The following PHEX variants were observed in gnomAD, a reference collection of about 807,000 sequenced individuals.
PHEX encodes the protein phosphate regulating endopeptidase X-linked, also known as phosphate-regulating neutral endopeptidase PHEX.
PHEX carries 16 observed loss-of-function variants against 68.0 expected under a neutral mutation model. The ratio of observed to expected loss-of-function variants is 0.24; its 90% CI spans 0.16 to 0.36. The LOEUF (loss-of-function observed/expected upper bound fraction) is 0.36, where lower values mean the gene tolerates loss of function less well. PHEX is among the 10% of genes least tolerant of loss of function. The probability of loss-of-function intolerance (pLI) is 1.00; values close to 1 mark genes in which losing one functional copy is unlikely to be tolerated. For synonymous variants in PHEX, 208 were observed against 205.1 expected, an observed-to-expected ratio of 1.01 and a Z score of -0.12; for missense variants, 480 against 575.5, an observed-to-expected ratio of 0.83 and a Z score of 1.70.
chrX:22,218,882 A>C (rs1384564922), intron 16 of PHEX, among the ~76,000 whole-genome samples, 154 bp from the exon 17 acceptor site: 2 of 112,504 alleles, frequency 1.8e-5, no homozygotes, highest in Non-Finnish European at 3.8e-5. Flanking sequence ...AGGTATGTTT[A>C]GATTTTTTAC....
chrX:22,129,835 C>T (rs1292962517), intron 11 of PHEX, among the ~76,000 whole-genome samples: 1 of 111,585 alleles, frequency 9.0e-6, no homozygotes. Flanking sequence ...CCCTCAGACC[C>T]TTCCCTTAAC....
chrX:22,226,389 G>A, intron 18 of PHEX, 54 bp from the exon 19 acceptor site: 1 of 870,865 alleles, frequency 1.1e-6, no homozygotes, highest in Non-Finnish European at 1.7e-6. Context: ...CTGAATGATA[G>A]TTGACCGTGA....
intron 3 of PHEX, among the ~76,000 whole-genome samples, chrX:22,067,810 T>G (rs963684717): frequency 3.6e-5 from 4 of 111,053 alleles, no homozygotes; most frequent in Non-Finnish European, 7.5e-5. Flanking sequence ...GCCATTTGTG[T>G]TTTAACAAGC....
chrX:22,055,209 A>AAAAAAAAAAAAAAAAAG (rs1928040015), intron 3 of PHEX, among the ~76,000 whole-genome samples: 1 of 70,613 alleles, frequency 1.4e-5, no homozygotes, highest in African/African-American at 5.8e-5. Context: ...AAAAAAAAAA[A>AAAAAAAAAAAAAAAAAG]AAAAAACAGA....
At chrX:22,231,804 C>G (rs1020643297) in intron 20 of PHEX, among the ~76,000 whole-genome samples, 2 of 111,877 alleles carry the variant, frequency 1.8e-5, no homozygotes, top group African/African-American at 3.3e-5. Flanking sequence ...TTCCTGTTTT[C>G]TGCTAGCTTT....
intron 11 of PHEX, among the ~76,000 whole-genome samples, chrX:22,121,474 T>G (rs1006397315): frequency 2.7e-5 from 3 of 111,062 alleles, no homozygotes; most frequent in African/African-American, 9.8e-5. Context: ...GGTGGGAGGC[T>G]GGGAGGAGGG....
At chrX:22,245,305 C>A (rs1263740419) in intron 20 of PHEX, 28 bp from the exon 21 acceptor site, 54 of 1,134,625 alleles carry the variant, frequency 4.8e-5, no homozygotes, top group Non-Finnish European at 6.3e-5. Context: ...AATGAAAGCT[C>A]ATTTGTTGGG....
At chrX:22,245,111 C>T (rs1936353977) in intron 20 of PHEX, among the ~76,000 whole-genome samples, 1 of 112,288 alleles carries the variant, frequency 8.9e-6, no homozygotes, top group Admixed American at 9.4e-5. Flanking sequence ...AAACCTTTCT[C>T]ACTTACTCAA....
At chrX:22,084,383 A>G (rs1929526027) in intron 5 of PHEX, among the ~76,000 whole-genome samples, 1 of 111,340 alleles carries the variant, frequency 9.0e-6, no homozygotes, top group African/African-American at 3.3e-5. Context: ...GTATTGTTGA[A>G]TTAGGTTAGC....
chrX:22,230,965 T>G (rs1935713124), intron 20 of PHEX, among the ~76,000 whole-genome samples: 1 of 112,025 alleles, frequency 8.9e-6, no homozygotes. Context: ...AATACCTAGT[T>G]TACTGAGAGT....
At chrX:22,173,483 G>A (rs1933606283) in intron 13 of PHEX, among the ~76,000 whole-genome samples, 1 of 110,941 alleles carries the variant, frequency 9.0e-6, no homozygotes, top group South Asian at 3.9e-4. Flanking sequence ...AACATTTTGA[G>A]CATCACCTCA....
Position 22,232,596 on chromosome X carries a change from C to CTTTTTTTTTTTTT in PHEX, c.2070+5003_2070+5015dup, listed in dbSNP as rs745474280. ...TCAGAGATTAGGATTGCCACTTCTGCTTTTTTTTTTTTTTTTTTTTTTTTT... is the reference window on the plus strand; with the variant it reads ...TCAGAGATTAGGATTGCCACTTCTGCTTTTTTTTTTTTTTTTTTTTTTTTTTTTTTTTTTTTTT... On this transcript the variant is annotated intron_variant, in intron 20 of 21. Transcript: ENST00000379374. 2.1e-3 allele frequency among the ~76,000 whole-genome samples: 39 copies of CTTTTTTTTTTTTT among 18,553 alleles called. 8 individuals carry two copies. The highest frequency in any genetic ancestry group is 2.7e-3 in the Non-Finnish European group (26 of 9,738). 16.1% of individuals were successfully genotyped at this position (18,553 alleles called of 115,157 possible).
At chrX:22,232,596 CTTTTTTTTTTTT>C (rs745474280) in intron 20 of PHEX, among the ~76,000 whole-genome samples, 10 of 18,555 alleles carry the variant, frequency 5.4e-4, no homozygotes, top group South Asian at 2.8e-3. Context: ...GCCACTTCTG[CTTTTTTTTTTTT>C]TTTTTTTTTT....
Position 22,249,252 on chromosome X carries a change from G to A in PHEX, c.*1299G>A, listed in dbSNP as rs1480572578. On this transcript the variant is annotated 3_prime_UTR_variant, in exon 22 of 22. Transcript: ENST00000379374. ...GTGTGTGTGTGTGTAGGATAAAATT[G>A]TAATGGCCTTAAAGTTGTTACCTGG... is the stretch of plus-strand genomic sequence containing the variant. 3 of 66,647 alleles carry A rather than the reference G, an allele frequency of 4.5e-5. No homozygotes were observed. The highest frequency in any genetic ancestry group is 5.8e-4 in the South Asian group (1 of 1,733). 5.5% of individuals were successfully genotyped at this position (66,647 alleles called of 1,213,427 possible). A position where few individuals can be genotyped will look rare whatever the true frequency, so the allele number is the denominator to read the frequency against.
At chrX:22,073,937 C>T (rs1194131157) in intron 3 of PHEX, among the ~76,000 whole-genome samples, 4 of 111,089 alleles carry the variant, frequency 3.6e-5, no homozygotes, top group African/African-American at 1.3e-4. Context: ...CGCGCCTGGC[C>T]TGCAGTTTTA....
At chrX:22,201,226 G>A (rs1287362059) in intron 15 of PHEX, among the ~76,000 whole-genome samples, 2 of 111,269 alleles carry the variant, frequency 1.8e-5, no homozygotes, top group Non-Finnish European at 3.8e-5. Flanking sequence ...ACCCAGGCTG[G>A]AGTGCAGTGG....
intron 12 of PHEX, among the ~76,000 whole-genome samples, chrX:22,156,685 C>T (rs980832220): frequency 9.1e-6 from 1 of 109,984 alleles, no homozygotes; most frequent in Non-Finnish European, 1.9e-5. Flanking sequence ...GGGCTGTTAT[C>T]ATTTTGGTTA....
chrX:22,238,745 C>G (rs940290461), intron 20 of PHEX, among the ~76,000 whole-genome samples: 1 of 111,886 alleles, frequency 8.9e-6, no homozygotes, highest in African/African-American at 3.2e-5. Flanking sequence ...AGCAGCAGCC[C>G]CAGTCAGGGA....
intron 9 of PHEX, among the ~76,000 whole-genome samples, chrX:22,108,384 T>TA (rs1156345799): frequency 1.8e-5 from 2 of 111,133 alleles, no homozygotes; most frequent in East Asian, 5.6e-4. Context: ...GGATGAGGCA[T>TA]AAAAAAACTA....
Sources: allele counts gnomAD v4.1 joint callset (sites outside exome capture counted in the v4.1 genomes callset), GRCh38; gene constraint gnomAD v4.1.1; transcripts MANE v1.5; gene names NCBI Gene and HGNC (gene_info 2026-07-23, HGNC 2026-07-21).